XKRX: variants seen among roughly 807,000 people sequenced by gnomAD.
XKRX encodes XK related X-linked, also known as XK-related protein 2.
A neutral mutation model predicts 22.4 loss-of-function variants in XKRX; 11 were observed. That is an observed-to-expected ratio of 0.49 (90% confidence interval 0.31 to 0.81). XKRX has a LOEUF of 0.81. XKRX is among the 40% of genes least tolerant of loss of function. The pLI is 0.05. For missense variants in XKRX, 320 were observed against 336.5 expected, an observed-to-expected ratio of 0.95 and a Z score of 0.38; for synonymous variants, 114 against 132.2, an observed-to-expected ratio of 0.86 and a Z score of 0.94.
intron 2 of XKRX, 31 bp downstream of exon 2, chrX:100,922,762 T>C (rs1439128638): frequency 8.4e-7 from 1 of 1,191,289 alleles, no homozygotes; most frequent in Non-Finnish European, 1.1e-6. Flanking sequence ...TTGATTTAAC[T>C]GGAGCCCTCC....
intron 2 of XKRX, among the ~76,000 whole-genome samples, chrX:100,916,310 G>C (rs1457391448): frequency 8.9e-6 from 1 of 111,866 alleles, no homozygotes; most frequent in Admixed American, 9.5e-5. Flanking sequence ...ATCAGTTTTA[G>C]AAATCTTTTT....
the XKRX span, among the ~76,000 whole-genome samples, chrX:100,945,923 C>T: frequency 9.1e-6 from 1 of 110,414 alleles, no homozygotes; most frequent in Non-Finnish European, 1.9e-5. Flanking sequence ...TGGTGGCTCA[C>T]GCCTGTAATC....
chrX:100,915,688 CTGTGTG>C (rs749763658), intron 2 of XKRX, among the ~76,000 whole-genome samples: 2 of 102,438 alleles, frequency 2.0e-5, no homozygotes, highest in Non-Finnish European at 4.0e-5. Flanking sequence ...GTGGGTGTGT[CTGTGTG>C]TGTGTGTGTG....
chrX:100,893,066 T>C, the XKRX span, among the ~76,000 whole-genome samples: 2 of 112,199 alleles, frequency 1.8e-5, no homozygotes, highest in East Asian at 5.6e-4. Context: ...CTAAGTGAAA[T>C]AAGCCAGGCA....
chrX:100,919,470 T>C (rs1460072388), intron 2 of XKRX, among the ~76,000 whole-genome samples: 1 of 111,541 alleles, frequency 9.0e-6, no homozygotes, highest in Non-Finnish European at 1.9e-5. Flanking sequence ...AATGTGTGTA[T>C]GTACAAGCAA....
At chrX:100,900,431 T>C in the XKRX span, among the ~76,000 whole-genome samples, 8 of 110,994 alleles carry the variant, frequency 7.2e-5, no homozygotes, top group East Asian at 2.3e-3. Flanking sequence ...TCAGTTGTCT[T>C]TGACAATTAC....
rs1569454773 is a variant in XKRX at position 100,917,690 on chromosome X, G to GAAAGA, written c.605-2612_605-2608dup. ...GAAAGAAAGAAAAGAAAGAAAGAAA[G>GAAAGA]AAAGAAAGAAAGAAAGAAAGAAAGA... is the stretch of plus-strand genomic sequence containing the variant. On this transcript the variant is annotated intron_variant, in intron 2 of 2. Coordinates refer to ENST00000372956, the MANE Select transcript of XKRX (RefSeq NM_212559.3). Among the ~76,000 whole-genome samples, 58 of 95,981 alleles carry GAAAGA rather than the reference G, an allele frequency of 6.0e-4. 1 individual carries two copies. Among genetic ancestry groups the GAAAGA allele is most frequent in the African/African-American group, 2.3e-3 (54 of 23,394 alleles). The allele number at this position is 95,981 out of a possible 115,157, so 83.3% of individuals were successfully genotyped here.
intron 2 of XKRX, 72 bp downstream of exon 2, chrX:100,922,721 T>A: frequency 2.8e-6 from 3 of 1,075,574 alleles, no homozygotes; most frequent in Non-Finnish European, 3.7e-6. Context: ...GCCAGTTTAT[T>A]AGACAGCTTG....
At chrX:100,909,544 G>A (rs986728814), downstream of XKRX, among the ~76,000 whole-genome samples, 113 of 112,042 alleles carry the variant, frequency 1.0e-3, 1 homozygote, top group Admixed American at 5.6e-3. Context: ...TTATGCCTTA[G>A]AATCATCTGT....
intron 2 of XKRX, among the ~76,000 whole-genome samples, chrX:100,920,529 A>C (rs1465754258): frequency 1.8e-5 from 2 of 111,111 alleles, no homozygotes. Context: ...TATGGTTTTT[A>C]ATTTTTACTA....
At chrX:100,890,203 C>G in the XKRX span, among the ~76,000 whole-genome samples, 2 of 110,886 alleles carry the variant, frequency 1.8e-5, no homozygotes, top group Non-Finnish European at 3.8e-5. Flanking sequence ...TGGACCTAAA[C>G]TCGTTGTTTT....
intron 2 of XKRX, among the ~76,000 whole-genome samples, chrX:100,917,700 AAGAAAGAAAGAAAGAAAG>A (rs1465337195): frequency 3.8e-4 from 40 of 105,533 alleles, no homozygotes; most frequent in African/African-American, 1.4e-3. Flanking sequence ...GAAAGAAAGA[AAGAAAGAAAGAAAGAAAG>A]AAAGAAATCC....
At chrX:100,901,702 A>G in the XKRX span, among the ~76,000 whole-genome samples, 1 of 112,260 alleles carries the variant, frequency 8.9e-6, no homozygotes, top group African/African-American at 3.2e-5. Context: ...ACATTCATCA[A>G]GATATCACAT....
chrX:100,953,039 C>T, the XKRX span, among the ~76,000 whole-genome samples: 2 of 112,446 alleles, frequency 1.8e-5, no homozygotes, highest in Non-Finnish European at 3.8e-5. Context: ...TGGTGTCTCA[C>T]ACCTGTAATC....
At chrX:100,902,069 T>C in the XKRX span, among the ~76,000 whole-genome samples, 1 of 107,731 alleles carries the variant, frequency 9.3e-6, no homozygotes, top group Non-Finnish European at 1.9e-5. Flanking sequence ...ATAGAAATCA[T>C]ACAAAATGCA....
the XKRX span, among the ~76,000 whole-genome samples, chrX:100,896,248 G>A: frequency 9.0e-6 from 1 of 111,596 alleles, no homozygotes; most frequent in African/African-American, 3.3e-5. Context: ...CTATTCCAAA[G>A]ACATACTGGA....
intron 1 of XKRX, among the ~76,000 whole-genome samples, chrX:100,923,821 T>C (rs1454268349): frequency 9.7e-6 from 1 of 103,317 alleles, no homozygotes; most frequent in African/African-American, 3.4e-5. Flanking sequence ...ATTCTGCTTT[T>C]TCTTTTTCTT....
chrX:100,954,508 G>A, the XKRX span, among the ~76,000 whole-genome samples: 1 of 111,406 alleles, frequency 9.0e-6, no homozygotes, highest in Non-Finnish European at 1.9e-5. Context: ...TGATCTGGCA[G>A]TTCCTCAAAA....
the XKRX span, among the ~76,000 whole-genome samples, chrX:100,906,993 T>TA: frequency 9.0e-6 from 1 of 111,391 alleles, no homozygotes; most frequent in Non-Finnish European, 1.9e-5. Context: ...ACTCCCCTAT[T>TA]TCAAGGTAAA....
Sources: gnomAD v4.1 joint callset for allele counts (sites outside exome capture counted in the v4.1 genomes callset) on GRCh38, gnomAD v4.1.1 for gene constraint, MANE v1.5 for transcripts, NCBI Gene and HGNC (gene_info 2026-07-23, HGNC 2026-07-21) for gene names.